PAFAH2: variants seen among roughly 807,000 people sequenced by gnomAD.
The protein encoded by PAFAH2 is platelet activating factor acetylhydrolase 2.
In PAFAH2, 42 loss-of-function variants were observed where a neutral mutation model predicts 49.0. The ratio of observed to expected loss-of-function variants is 0.86; its 90% CI spans 0.67 to 1.11. PAFAH2 has a LOEUF of 1.11. Among genes scored for constraint, PAFAH2 ranks in the 50% least tolerant of loss-of-function variants. PAFAH2 has a pLI of 0.00. For missense variants in PAFAH2, 503 were observed against 501.8 expected, an observed-to-expected ratio of 1.00 and a Z score of -0.02; for synonymous variants, 184 against 181.3, an observed-to-expected ratio of 1.01 and a Z score of -0.12.
At chr1:25,989,298 T>C in intron 3 of PAFAH2, 150 bp downstream of exon 3, 1 of 613,098 alleles carries the variant, frequency 1.6e-6, no homozygotes, top group Admixed American at 3.7e-5. Context: ...TATGTAATTC[T>C]CTCCCAACTC....
chr1:25,984,025 T>C lies in PAFAH2; in HGVS notation c.473A>G (p.Asn158Ser). 6.2e-7 allele frequency: 1 copy of C among 1,614,168 alleles called. No individual in the cohort carries two copies. The change falls in exon 6 of 11, where the codon AAT (asparagine) becomes AGT (serine). Residue 158 changes from asparagine (N) to serine (S), a missense_variant. Physicochemically the swap from Asn to Ser is conservative, Grantham distance 46. Transcript: ENST00000374282. Reference protein sequence around the residue: ...KQAPEENQPTNESLQEEWIPF... With the variant: ...KQAPEENQPTSESLQEEWIPF... Reference sequence around the variant, plus strand: ...GATCCATTCCTCCTGCAGCGATTCATTGGTGGGCTGGTTCTCTTCTGGGGC... The same window carrying C: ...GATCCATTCCTCCTGCAGCGATTCACTGGTGGGCTGGTTCTCTTCTGGGGC...
intron 5 of PAFAH2, 141 bp from the exon 6 acceptor site, chr1:25,984,228 G>T: frequency 1.0e-6 from 1 of 987,146 alleles, no homozygotes; most frequent in Non-Finnish European, 1.5e-6. Flanking sequence ...CATGCATAGG[G>T]AAGTGGAAAA....
At chr1:25,983,818 T>C (rs1479322946) in intron 6 of PAFAH2, 128 bp downstream of exon 6, 1 of 1,020,594 alleles carries the variant, frequency 9.8e-7, no homozygotes, top group Non-Finnish European at 1.5e-6. Flanking sequence ...GTATTTCCAC[T>C]GATGTGGCAA....
Position 25,961,992 on chromosome 1 carries a change from C to A in PAFAH2, c.1176G>T (p.Leu392=), listed in dbSNP as rs181210727. Residue 392 remains leucine, a synonymous_variant, in exon 11 of 11, where the codon CTG becomes CTT. Transcript: ENST00000374282. ...TPGAPHHLSS[L] ...CTTTACAAATGGCCAGTTGTGCCTA[C>A]AGGCTGGACAGATGGTGGGGGGCCC... is the stretch of plus-strand genomic sequence containing the variant. 6.2e-7 allele frequency: 1 copy of A among 1,613,144 alleles called. No individual in the cohort carries two copies. The highest frequency in any genetic ancestry group is 2.2e-5 in the East Asian group (1 of 44,854).
chr1:25,993,636 T>C (rs943587863), intron 1 of PAFAH2, among the ~76,000 whole-genome samples: 1 of 152,154 alleles, frequency 6.6e-6, no homozygotes, highest in South Asian at 2.1e-4. Flanking sequence ...AACCCAATTC[T>C]TTTGAAAAAG....
Position 25,960,164 on chromosome 1 carries a change from T to C in PAFAH2, c.*1825A>G, listed in dbSNP as rs1045824492. ...CAGGGCTTTAATGATACCCTTCTTA[T>C]GCTATGTCTCATGGGAATTCAAAGA... On this transcript the variant is annotated 3_prime_UTR_variant, in exon 11 of 11. Coordinates refer to ENST00000374282, the MANE Select transcript of PAFAH2 (RefSeq NM_000437.4). 6.6e-6 allele frequency: 1 copy of C among 152,210 alleles called. No homozygotes were observed. The highest frequency in any genetic ancestry group is 1.5e-5 in the Non-Finnish European group (1 of 68,032). The allele number at this position is 152,210 out of a possible 1,614,324, so 9.4% of individuals were successfully genotyped here. A position where few individuals can be genotyped will look rare whatever the true frequency, so the allele number is the denominator to read the frequency against.
chr1:25,981,246 A>T (rs911027865), intron 7 of PAFAH2, among the ~76,000 whole-genome samples: 2 of 152,198 alleles, frequency 1.3e-5, no homozygotes, highest in Non-Finnish European at 2.9e-5. Context: ...ATATTAATAC[A>T]TGTAAAAATA....
chr1:25,987,917 G>C (rs2049807356), intron 4 of PAFAH2, among the ~76,000 whole-genome samples: 1 of 152,036 alleles, frequency 6.6e-6, no homozygotes, highest in South Asian at 2.1e-4. Context: ...ATGATGCTCT[G>C]ATCACAAAGC....
Position 25,988,771 on chromosome 1 carries a change from C to G in PAFAH2, c.245-444G>C, listed in dbSNP as rs531899326. 2.6e-4 allele frequency among the ~76,000 whole-genome samples: 34 copies of G among 132,238 alleles called. 1 individual carries two copies. The highest frequency in any genetic ancestry group is 7.0e-4 in the African/African-American group (25 of 35,650). 86.8% of individuals were successfully genotyped at this position (132,238 alleles called of 152,430 possible). A position where few individuals can be genotyped will look rare whatever the true frequency, so the allele number is the denominator to read the frequency against. On this transcript the variant is annotated intron_variant, in intron 3 of 10. Transcript: ENST00000374282. ...TGAGCTGAGATTGTGCCATTGCACT[C>G]CAGCCTGGGCAACAAGAGCAAGACT...
intron 10 of PAFAH2, among the ~76,000 whole-genome samples, chr1:25,969,459 G>T (rs2049474476): frequency 6.6e-6 from 1 of 152,204 alleles, no homozygotes; most frequent in Admixed American, 6.5e-5. Flanking sequence ...CTAAGGGCAT[G>T]GGCCTTGGAA....
chr1:25,979,632 T>C (rs1442949936), intron 7 of PAFAH2, among the ~76,000 whole-genome samples: 1 of 151,752 alleles, frequency 6.6e-6, no homozygotes, highest in Non-Finnish European at 1.5e-5. Context: ...GGATCACAGG[T>C]GTCTGCCACC....
rs369570980 is a variant in PAFAH2 at position 25,972,614 on chromosome 1, T to A, written c.1028A>T (p.Tyr343Phe). 2 of 1,613,924 alleles carry A rather than the reference T, an allele frequency of 1.2e-6. No homozygotes were observed. Among genetic ancestry groups the A allele is most frequent in the Non-Finnish European group, 1.7e-6 (2 of 1,179,848 alleles). Reference sequence around the variant, plus strand: ...CCGTACCATAACCTCCTGCCCTTCATAGGGGTCCAGGCTCCCACGGGTTTC... The same window carrying A: ...CCGTACCATAACCTCCTGCCCTTCAAAGGGGTCCAGGCTCCCACGGGTTTC... The part of the protein sequence containing the change: ...STETRGSLDP[Y>F]EGQEVMVRAM... The change falls in exon 10 of 11, where the codon TAT becomes TTT. Residue 343 changes from tyrosine (Y) to phenylalanine (F), a missense_variant. Transcript: ENST00000374282.
chr1:25,962,085 T>C lies in PAFAH2; in HGVS notation c.1085-2A>G. The C allele has an allele frequency of 6.2e-7, 1 of 1,610,422 alleles. No individual in the cohort carries two copies. Among genetic ancestry groups the C allele is most frequent in the East Asian group, 2.2e-5 (1 of 44,776 alleles). Reference sequence around the variant, plus strand: ...ATTGATTATAGTCTTCTTTCAGGTCTGAAAAGGAAAAAAACAGGAACATTA... The same window carrying C: ...ATTGATTATAGTCTTCTTTCAGGTCCGAAAAGGAAAAAAACAGGAACATTA... On this transcript the variant is annotated splice_acceptor_variant, in intron 10 of 10. Coordinates refer to ENST00000374282, the MANE Select transcript of PAFAH2 (RefSeq NM_000437.4). LOFTEE classifies it high-confidence loss of function.
chr1:25,979,319 C>T lies in PAFAH2; in HGVS notation c.667-2546G>A, dbSNP rs76350468. Among the ~76,000 whole-genome samples the T allele has an allele frequency of 6.8e-3, 424 of 62,092 alleles. 6 individuals are homozygous for T. Among genetic ancestry groups the T allele is most frequent in the South Asian group, 0.012 (16 of 1,286 alleles). The allele number at this position is 62,092 out of a possible 152,430, so 40.7% of individuals were successfully genotyped here. On this transcript the variant is annotated intron_variant, in intron 7 of 10. Transcript: ENST00000374282. ...ACTGTAGCCTGCCATTTACCAATGCCTTTTTTTTTTTTTTTTGAGATAGTC... is the reference window on the plus strand; with the variant it reads ...ACTGTAGCCTGCCATTTACCAATGCTTTTTTTTTTTTTTTTTGAGATAGTC...
chr1:25,979,590 C>A (rs2039542), intron 7 of PAFAH2, among the ~76,000 whole-genome samples: 82,041 of 151,930 alleles, frequency 0.54, 25,154 homozygotes, highest in East Asian at 0.7. Flanking sequence ...CGGGTACAAG[C>A]GATTCTCCTG....
At chr1:25,980,614 TATA>T (rs1557522604) in intron 7 of PAFAH2, among the ~76,000 whole-genome samples, 2 of 146,390 alleles carry the variant, frequency 1.4e-5, no homozygotes, top group African/African-American at 5.0e-5. Context: ...GCCATATTTA[TATA>T]TATATATATA....
intron 10 of PAFAH2, among the ~76,000 whole-genome samples, chr1:25,968,770 C>T (rs1431809576): frequency 1.3e-5 from 2 of 152,128 alleles, no homozygotes; most frequent in Non-Finnish European, 2.9e-5. Context: ...CACTGTGTTA[C>T]CCAGGGTGGA....
intron 1 of PAFAH2, among the ~76,000 whole-genome samples, chr1:25,996,031 T>A (rs945231027): frequency 4.6e-5 from 7 of 152,316 alleles, no homozygotes; most frequent in Middle Eastern, 3.4e-3. Flanking sequence ...CCTCAAACTC[T>A]AAGCTTCTGA....
intron 1 of PAFAH2, among the ~76,000 whole-genome samples, chr1:25,997,013 C>A (rs1201612823): frequency 3.3e-5 from 5 of 152,164 alleles, no homozygotes; most frequent in Non-Finnish European, 7.4e-5. Flanking sequence ...CCAGAGGAGC[C>A]CAGAGGGAAT....
Sources: allele counts gnomAD v4.1 joint callset (sites outside exome capture counted in the v4.1 genomes callset), GRCh38; gene constraint gnomAD v4.1.1; transcripts MANE v1.5; gene names NCBI Gene and HGNC (gene_info 2026-07-23, HGNC 2026-07-21).